Variants in RNLS observed in about 807,000 individuals in gnomAD.
RNLS encodes the protein renalase, FAD dependent amine oxidase.
Under a neutral mutation model 39.8 loss-of-function variants are expected in RNLS, and 39 were observed. The observed-to-expected ratio is 0.98, with a 90% CI of 0.76 to 1.28. RNLS has a LOEUF of 1.28. Among genes scored for constraint, RNLS ranks in the 50% most tolerant of loss-of-function variants. The pLI is 0.00. For missense variants in RNLS, 410 were observed against 413.3 expected (o/e 0.99, Z 0.07); for synonymous variants, 147 against 150.7 (o/e 0.98, Z 0.18).
chr10:88,430,321 GT>G (rs1855058017), intron 4 of RNLS, among the ~76,000 whole-genome samples: 1 of 151,704 alleles, frequency 6.6e-6, no homozygotes, highest in East Asian at 1.9e-4. Context: ...AACAAATACA[GT>G]TAAATTTTGC....
chr10:88,583,003 A>C (rs937949399), intron 1 of RNLS, 70 bp downstream of exon 1: 38 of 1,533,090 alleles, frequency 2.5e-5, no homozygotes, highest in Non-Finnish European at 3.3e-5. Flanking sequence ...TCTTGGGTGC[A>C]GGCCCACACC....
At chr10:88,225,308 A>G in the RNLS span, among the ~76,000 whole-genome samples, 1 of 152,248 alleles carries the variant, frequency 6.6e-6, no homozygotes, top group Non-Finnish European at 1.5e-5. Flanking sequence ...TGTAAGAAAA[A>G]AAATCCAGAT....
At position 88,559,880 on chromosome 10, in the gene RNLS, C is replaced by G. The variant is rs140425150; in HGVS notation, c.526+13023G>C. On this transcript the variant is annotated intron_variant, in intron 4 of 6. Transcript: ENST00000331772. ...TAAAAATACAAGTCACCGAAAACTA[C>G]GAGCACATGTAATGGGAAAAATGGC... 1.9e-3 allele frequency among the ~76,000 whole-genome samples: 286 copies of G among 151,250 alleles called. 2 individuals carry two copies. Among genetic ancestry groups the G allele is most frequent in the African/African-American group, 6.7e-3 (275 of 41,206 alleles).
intron 4 of RNLS, among the ~76,000 whole-genome samples, chr10:88,412,492 T>C (rs1589749589): frequency 2.0e-5 from 3 of 152,180 alleles, no homozygotes; most frequent in Admixed American, 2.0e-4. Context: ...GAACTCATTA[T>C]ATCATTGAGA....
intron 4 of RNLS, among the ~76,000 whole-genome samples, chr10:88,461,899 CA>C (rs2133941188): frequency 6.6e-6 from 1 of 152,156 alleles, no homozygotes; most frequent in South Asian, 2.1e-4. Context: ...ATTACATCAT[CA>C]TGAAAAAGAC....
At chr10:88,549,530 C>T (rs1848510693) in intron 4 of RNLS, among the ~76,000 whole-genome samples, 1 of 152,140 alleles carries the variant, frequency 6.6e-6, no homozygotes. Context: ...TGTGCTACTA[C>T]ACTCTAGCTT....
chr10:88,534,143 AT>A (rs1296461329), intron 4 of RNLS, among the ~76,000 whole-genome samples: 2 of 152,158 alleles, frequency 1.3e-5, no homozygotes, highest in African/African-American at 4.8e-5. Context: ...TTTAGATGTC[AT>A]GATGAGGAGG....
intron 6 of RNLS, among the ~76,000 whole-genome samples, chr10:88,304,943 G>A (rs72818084): frequency 0.053 from 8,136 of 152,180 alleles, 276 homozygotes; most frequent in South Asian, 0.1. Context: ...CAGCAAGAGA[G>A]GAAGGTCAGG....
chr10:88,579,957 C>A (rs1208695266), intron 3 of RNLS, among the ~76,000 whole-genome samples: 1 of 152,192 alleles, frequency 6.6e-6, no homozygotes, highest in Admixed American at 6.6e-5. Flanking sequence ...CATTGATCCT[C>A]CTTCACATAA....
At chr10:88,568,653 A>G (rs1202465409) in intron 4 of RNLS, among the ~76,000 whole-genome samples, 4 of 152,064 alleles carry the variant, frequency 2.6e-5, no homozygotes, top group Non-Finnish European at 4.4e-5. Context: ...GAGATGTCGC[A>G]TGGGTTCATA....
At chr10:88,440,650 T>C (rs147818451) in intron 4 of RNLS, among the ~76,000 whole-genome samples, 1 of 152,326 alleles carries the variant, frequency 6.6e-6, no homozygotes, top group East Asian at 1.9e-4. Flanking sequence ...ATGAGATATC[T>C]TCTGGTAGCA....
At chr10:88,387,474 C>A (rs1156501628) in intron 4 of RNLS, among the ~76,000 whole-genome samples, 4 of 114,710 alleles carry the variant, frequency 3.5e-5, no homozygotes, top group South Asian at 2.6e-4. Flanking sequence ...AGAAGAAGCA[C>A]GCAAGAAGAA....
At chr10:88,464,480 T>C (rs1380188798) in intron 4 of RNLS, among the ~76,000 whole-genome samples, 1 of 152,108 alleles carries the variant, frequency 6.6e-6, no homozygotes, top group Non-Finnish European at 1.5e-5. Flanking sequence ...AAGCAGAGCA[T>C]ACCTACATGA....
At chr10:88,239,810 G>A in the RNLS span, among the ~76,000 whole-genome samples, 1 of 152,170 alleles carries the variant, frequency 6.6e-6, no homozygotes, top group Non-Finnish European at 1.5e-5. Flanking sequence ...GGACTTACAT[G>A]GTTATCATCA....
At chr10:88,318,589 C>A (rs1845942075) in intron 5 of RNLS, among the ~76,000 whole-genome samples, 1 of 152,202 alleles carries the variant, frequency 6.6e-6, no homozygotes, top group African/African-American at 2.4e-5. Context: ...TGACCCTACA[C>A]AAAACAGCAG....
intron 4 of RNLS, among the ~76,000 whole-genome samples, chr10:88,381,098 C>T (rs564046649): frequency 6.6e-6 from 1 of 152,216 alleles, no homozygotes; most frequent in East Asian, 1.9e-4. Flanking sequence ...AATTTTTCTT[C>T]CCCCAGAAAT....
the RNLS span, among the ~76,000 whole-genome samples, chr10:88,176,556 T>G: frequency 7.2e-5 from 11 of 152,244 alleles, no homozygotes; most frequent in Admixed American, 3.9e-4. Context: ...ATTTTGTTAA[T>G]TATTTTTTGG....
At chr10:88,548,000 G>C (rs71477194) in intron 4 of RNLS, among the ~76,000 whole-genome samples, 3 of 151,970 alleles carry the variant, frequency 2.0e-5, no homozygotes, top group Admixed American at 1.3e-4. Context: ...AGTGGCTCAC[G>C]CCTGTAATCC....
the RNLS span, among the ~76,000 whole-genome samples, chr10:88,188,363 GTTTC>G: frequency 6.6e-6 from 1 of 152,148 alleles, no homozygotes; most frequent in African/African-American, 2.4e-5. Context: ...GACCTCAGTT[GTTTC>G]TTTATCTTAA....
Sources: gnomAD v4.1 joint callset for allele counts (sites outside exome capture counted in the v4.1 genomes callset) on GRCh38, gnomAD v4.1.1 for gene constraint, MANE v1.5 for transcripts, NCBI Gene and HGNC (gene_info 2026-07-23, HGNC 2026-07-21) for gene names.